The following RNF213 variants were observed in gnomAD, a reference collection of about 807,000 sequenced individuals.
RNF213 encodes the protein ring finger protein 213.
RNF213 carries 341 observed loss-of-function variants against 514.4 expected under a neutral mutation model. That is an observed-to-expected ratio of 0.66 (90% CI 0.61 to 0.73). The LOEUF is 0.73. Ranked by LOEUF, RNF213 falls within the 30% of genes least tolerant of loss-of-function variation. The pLI is 0.00. For synonymous variants in RNF213, 2,655 were observed against 2,658.2 expected (o/e 1.00, Z 0.04); for missense variants, 5,767 against 6,615.6 (o/e 0.87, Z 4.45).
chr17:80,307,305 A>G, intron 13 of RNF213, 104 bp downstream of exon 13: 1 of 881,474 alleles, frequency 1.1e-6, no homozygotes, highest in Non-Finnish European at 1.9e-6. Context: ...TGTAACAGCA[A>G]GGTCATAAAT....
Position 80,324,678 on chromosome 17 carries a change from A to G in RNF213, c.3025-352A>G, listed in dbSNP as rs542030217. On this transcript the variant is annotated intron_variant, in intron 17 of 67. Coordinates refer to ENST00000582970, the MANE Select transcript of RNF213 (RefSeq NM_001256071.3). ...GAATTATGGTTTAGGAACATAAAATATATGCTATATTAAGGGTTTATTCAT... is the reference window on the plus strand; with the variant it reads ...GAATTATGGTTTAGGAACATAAAATGTATGCTATATTAAGGGTTTATTCAT... Among the ~76,000 whole-genome samples the G allele has an allele frequency of 3.3e-3, 503 of 152,248 alleles. 1 individual carries two copies. The highest frequency in any genetic ancestry group is 5.5e-3 in the Non-Finnish European group (375 of 68,028).
chr17:80,288,289 T>C lies in RNF213; in HGVS notation c.736T>C (p.Ser246Pro). Residue 246 changes from serine (S) to proline (P), a missense_variant, in exon 4 of 68, where the codon TCA becomes CCA. Physicochemically the swap from Ser to Pro is moderately conservative, Grantham distance 74 (BLOSUM62 -1). Around this residue, in one of 13 missense-constraint regions of RNF213, gnomAD observed 509 missense variants for 496.7 expected, o/e 1.02. Coordinates refer to ENST00000582970, the MANE Select transcript of RNF213 (RefSeq NM_001256071.3). This position sits in a 1 kb window ranked among gnomAD's most constrained non-coding sequence, Gnocchi z 4.9. ...DAAQELLLPE[S>P]KGGSSEPGTE... ...TGCCCAGGAGCTCCTGTTGCCTGAG[T>C]CAAAAGGAGGCAGCTCTGAGCCCGG... 2 of 1,612,860 alleles carry C rather than the reference T, an allele frequency of 1.2e-6. No homozygotes were observed. Among genetic ancestry groups the C allele is most frequent in the South Asian group, 2.2e-5 (2 of 91,068 alleles).
chr17:80,381,715 C>T lies in RNF213; in HGVS notation c.13966C>T (p.Leu4656Phe), dbSNP rs757098705. 1 of 1,613,636 alleles carries T rather than the reference C, an allele frequency of 6.2e-7. No homozygotes were observed. The highest frequency in any genetic ancestry group is 1.1e-5 in the South Asian group (1 of 91,050). Residue 4656 changes from leucine (L) to phenylalanine (F), a missense_variant, in exon 57 of 68, where the codon CTC becomes TTC. Transcript: ENST00000582970. ...LRRLLQEQHQ[L>F]SSRRLLNFDT... The stretch of plus-strand genomic sequence containing the variant: ...CAGGCTTCTCCAAGAGCAGCACCAG[C>T]TCTCTAGCAGAAGTGAGGAAAGGGG...
At position 80,363,751 on chromosome 17, in the gene RNF213, G is replaced by A. The variant is rs767782203; in HGVS notation, c.11711G>A (p.Gly3904Asp). 3.7e-6 allele frequency: 6 copies of A among 1,613,702 alleles called. No homozygotes were observed. In the African/African-American group the frequency reaches 8.0e-5, roughly 22 times the overall value. ...ATCTGCTCCGATGAGCACATGCAAGGCAGCGGGAGCCTGGCCCAGGCTGTC... is the reference window on the plus strand; with the variant it reads ...ATCTGCTCCGATGAGCACATGCAAGACAGCGGGAGCCTGGCCCAGGCTGTC... ...ELICSDEHMQ[G>D]SGSLAQAVIR... is the part of the protein sequence containing the mutation. The change falls in exon 41 of 68, where the codon GGC becomes GAC. Residue 3904 changes from glycine to aspartate, a missense_variant. Gly to Asp is a moderately conservative substitution (Grantham distance 94, BLOSUM62 -1). This residue lies in a region of RNF213 where 355 missense variants were observed against 358.0 expected (regional missense o/e 0.99). Coordinates refer to ENST00000582970, the MANE Select transcript of RNF213 (RefSeq NM_001256071.3).
At chr17:80,385,467 G>T (rs1050442599) in intron 60 of RNF213, 71 bp from the exon 61 acceptor site, 2 of 1,316,038 alleles carry the variant, frequency 1.5e-6, no homozygotes, top group African/African-American at 2.9e-5. Context: ...GGCAGAGCAT[G>T]TAACTAGGGT....
chr17:80,354,538 C>T lies in RNF213; in HGVS notation c.10824C>T (p.Ala3608=). Residue 3608 remains alanine, a synonymous_variant, in exon 36 of 68, where the codon GCC becomes GCT. Coordinates refer to ENST00000582970, the MANE Select transcript of RNF213 (RefSeq NM_001256071.3). ...FHPLEWLARE[A]CNQDALQEAG... Reference sequence around the variant, plus strand: ...CTCTGGAGTGGTTGGCAAGGGAAGCCTGCAACCAGGACGCTCTCCAGGAGG... The same window carrying T: ...CTCTGGAGTGGTTGGCAAGGGAAGCTTGCAACCAGGACGCTCTCCAGGAGG... 2 of 1,614,180 alleles carry T rather than the reference C, an allele frequency of 1.2e-6. No homozygotes were observed. Among genetic ancestry groups the T allele is most frequent in the South Asian group, 1.1e-5 (1 of 91,082 alleles).
At position 80,325,688 on chromosome 17, in the gene RNF213, C is replaced by T. The variant is rs988799623; in HGVS notation, c.3193+490C>T. Among the ~76,000 whole-genome samples, 8 of 152,166 alleles carry T rather than the reference C, an allele frequency of 5.3e-5. No individual in the cohort carries two copies. In the South Asian group the frequency reaches 6.2e-4, roughly 12 times the overall value. ...GCTGTCTGATTTCCCCCCAGCCCCC[C>T]GCGCCCCAGGTGTTTTGTGGTCAAG... On this transcript the variant is annotated intron_variant, in intron 18 of 67. Transcript: ENST00000582970.
At chr17:80,316,919 GAT>G (rs1278200633) in intron 15 of RNF213, among the ~76,000 whole-genome samples, 1 of 152,210 alleles carries the variant, frequency 6.6e-6, no homozygotes, top group African/African-American at 2.4e-5. Flanking sequence ...TAACATGAGA[GAT>G]AAGTCCTTTC....
intron 20 of RNF213, among the ~76,000 whole-genome samples, chr17:80,329,632 C>T (rs2046362057): frequency 6.6e-6 from 1 of 152,042 alleles, no homozygotes; most frequent in African/African-American, 2.4e-5. Context: ...AGTTTGAGAC[C>T]AGCCTGGGCA....
chr17:80,289,634 G>T lies in RNF213; in HGVS notation c.934-25G>T, dbSNP rs755333650. ...GAAAATGTGGAGGCCGGCCTTCAAGGTCAGGGTTTGGTTCCTTGTTCCAGG... is the reference window on the plus strand; with the variant it reads ...GAAAATGTGGAGGCCGGCCTTCAAGTTCAGGGTTTGGTTCCTTGTTCCAGG... On this transcript the variant is annotated intron_variant, in intron 5 of 67. Coordinates refer to ENST00000582970, the MANE Select transcript of RNF213 (RefSeq NM_001256071.3). 2.4e-5 allele frequency: 39 copies of T among 1,612,586 alleles called. No homozygotes were observed. The South Asian group carries it at 4.2e-4, about 17-fold the overall frequency.
rs1182270660 is a variant in RNF213, at chr17:80,354,181, A to G, written c.10726+15A>G. The G allele has an allele frequency of 5.6e-6, 9 of 1,611,740 alleles. No homozygotes were observed. In the African/African-American group the frequency reaches 9.4e-5, roughly 17 times the overall value. ...CGCGTGCCACGGTATGAGCCTCCCCACCCCTCTTGCCCCTGCCCCCACGTG... is the reference window on the plus strand; with the variant it reads ...CGCGTGCCACGGTATGAGCCTCCCCGCCCCTCTTGCCCCTGCCCCCACGTG... On this transcript the variant is annotated intron_variant, in intron 35 of 67. Coordinates refer to ENST00000582970, the MANE Select transcript of RNF213 (RefSeq NM_001256071.3).
In RNF213 at chr17:80,393,514, T is replaced by A; in HGVS notation, c.*16T>A. 6.2e-7 allele frequency: 1 copy of A among 1,613,586 alleles called. No homozygotes were observed. The highest frequency in any genetic ancestry group is 8.5e-7 in the Non-Finnish European group (1 of 1,179,764). ...AATGAGATAGAATTATTTCCTCAGC[T>A]ATCTTTGGATGACTTTGGAGAGAAG... On this transcript the variant is annotated 3_prime_UTR_variant, in exon 68 of 68. Transcript: ENST00000582970.
chr17:80,338,662 A>G (rs577724331), intron 25 of RNF213, among the ~76,000 whole-genome samples: 104 of 151,696 alleles, frequency 6.9e-4, no homozygotes, highest in African/African-American at 2.4e-3. Flanking sequence ...AAAAAAAGAT[A>G]ATTTAAAAAA....
chr17:80,363,831 G>T (rs139250788), intron 41 of RNF213, 41 bp downstream of exon 41: 4 of 1,587,700 alleles, frequency 2.5e-6, no homozygotes, highest in Non-Finnish European at 3.4e-6. Flanking sequence ...CATCTGGCGC[G>T]CGCTCACCAG....
intron 13 of RNF213, among the ~76,000 whole-genome samples, chr17:80,307,925 CT>C (rs1222519284): frequency 1.3e-5 from 2 of 151,654 alleles, no homozygotes; most frequent in African/African-American, 2.4e-5. Flanking sequence ...TTATCTCCCC[CT>C]GATCTTTTTT....
rs368452969 is a variant in RNF213, at chr17:80,344,023, C to T, written c.6342+8C>T. 6.2e-7 allele frequency: 1 copy of T among 1,610,942 alleles called. No individual in the cohort carries two copies. Among genetic ancestry groups the T allele is most frequent in the African/African-American group, 1.3e-5 (1 of 74,890 alleles). On this transcript the variant is annotated splice_region_variant and intron_variant, in intron 28 of 67. Coordinates refer to ENST00000582970, the MANE Select transcript of RNF213 (RefSeq NM_001256071.3). ...AGGAGCTCTTCAGCGCTGGTCTGTA[C>T]TGTGGGGCGTTTTCGCCTGGCGTGG...
At chr17:80,371,767 TACACAC>T (rs111992928) in intron 46 of RNF213, 101 bp from the exon 47 acceptor site, 3 of 668,282 alleles carry the variant, frequency 4.5e-6, no homozygotes, top group Admixed American at 4.7e-5. Flanking sequence ...TATATGTTTA[TACACAC>T]ACACACACAG....
intron 28 of RNF213, 26 bp from the exon 29 acceptor site, chr17:80,344,652 A>G (rs750382020): frequency 6.2e-7 from 1 of 1,613,546 alleles, no homozygotes; most frequent in South Asian, 1.1e-5. Flanking sequence ...TCTTGTAACC[A>G]TTTCATTAAT....
Position 80,328,456 on chromosome 17 carries a change from A to G in RNF213, c.3496A>G (p.Asn1166Asp). 6.5e-7 allele frequency: 1 copy of G among 1,537,258 alleles called. No homozygotes were observed. Among genetic ancestry groups the G allele is most frequent in the Non-Finnish European group, 8.7e-7 (1 of 1,146,920 alleles). The change falls in exon 20 of 68, where the codon AAC (asparagine) becomes GAC (aspartate). Residue 1166 changes from asparagine to aspartate, a missense_variant. Transcript: ENST00000582970. ...TGATAGTCTCCTGAAGATGTGTGGG[A>G]ACGTGAAACATCTGATACAAGGTGG... ...CVDSLLKMCGNVKHLIQVDFG... is the reference protein window; with the variant it reads ...CVDSLLKMCGDVKHLIQVDFG...
Sources: gnomAD v4.1 joint callset for allele counts (sites outside exome capture counted in the v4.1 genomes callset) on GRCh38, gnomAD v4.1.1 for gene constraint, gnomAD v4.1.1 regional missense constraint, Gnocchi (gnomAD v3.1) non-coding constraint, MANE v1.5 for transcripts, NCBI Gene and HGNC (gene_info 2026-07-23, HGNC 2026-07-21) for gene names.